The following ITSN1 variants were observed in gnomAD, a reference collection of about 807,000 sequenced individuals.
ITSN1 encodes the protein intersectin 1, also known as intersectin-1.
ITSN1 carries 58 observed loss-of-function variants against 239.8 expected under a neutral mutation model. That is an observed-to-expected ratio of 0.24 (90% CI 0.20 to 0.30). The LOEUF (loss-of-function observed/expected upper bound fraction) is 0.30. ITSN1 is among the 10% of genes least tolerant of loss of function. The pLI, the probability that ITSN1 is intolerant of heterozygous loss-of-function variation, is 1.00. For synonymous variants in ITSN1, 780 were observed against 770.8 expected (o/e 1.01, Z -0.20); for missense variants, 1,558 against 2,103.3 (o/e 0.74, Z 5.07).
chr21:33,876,620 G>C (rs1983963144), intron 34 of ITSN1, among the ~76,000 whole-genome samples: 1 of 152,148 alleles, frequency 6.6e-6, no homozygotes, highest in African/African-American at 2.4e-5. Context: ...GATATTCCTG[G>C]CCAGGTGCCG....
chr21:33,878,270 C>T (rs1226531433), intron 34 of ITSN1, among the ~76,000 whole-genome samples: 7 of 152,038 alleles, frequency 4.6e-5, no homozygotes, highest in East Asian at 1.9e-4. Flanking sequence ...TGAGCTCAAG[C>T]GATCTGCCCG....
chr21:33,652,319 A>G (rs2088614334), intron 1 of ITSN1, among the ~76,000 whole-genome samples: 1 of 152,118 alleles, frequency 6.6e-6, no homozygotes, highest in Non-Finnish European at 1.5e-5. Flanking sequence ...TCTGATTTTT[A>G]TGTGGGCCAC....
chr21:33,883,699 G>A, intron 36 of ITSN1, 28 bp downstream of exon 36: 1 of 1,608,868 alleles, frequency 6.2e-7, no homozygotes, highest in African/African-American at 1.3e-5. Flanking sequence ...CCCAGCATGG[G>A]CCCCAGGGCT....
intron 1 of ITSN1, 111 bp from the exon 2 acceptor site, chr21:33,718,686 G>A (rs2065310153): frequency 1.4e-6 from 1 of 730,346 alleles, no homozygotes; most frequent in Non-Finnish European, 2.4e-6. Flanking sequence ...GTAGAGCTAT[G>A]CTCTGGCTCT....
intron 5 of ITSN1, among the ~76,000 whole-genome samples, chr21:33,749,885 C>G (rs1017316289): frequency 6.6e-6 from 1 of 152,056 alleles, no homozygotes; most frequent in Non-Finnish European, 1.5e-5. Flanking sequence ...TATATTTGAG[C>G]CTTTAAGTCC....
At chr21:33,765,169 A>G (rs1481178349) in intron 9 of ITSN1, among the ~76,000 whole-genome samples, 1 of 152,218 alleles carries the variant, frequency 6.6e-6, no homozygotes, top group African/African-American at 2.4e-5. Context: ...AATATTTACT[A>G]CCTGACCCTT....
intron 1 of ITSN1, among the ~76,000 whole-genome samples, chr21:33,710,254 A>G (rs1712148230): frequency 6.6e-6 from 1 of 151,184 alleles, no homozygotes; most frequent in South Asian, 2.1e-4. Context: ...AATTTTTTGT[A>G]TTTTTAGGAG....
intron 14 of ITSN1, among the ~76,000 whole-genome samples, chr21:33,780,536 A>G (rs571822250): frequency 1.6e-4 from 25 of 152,290 alleles, no homozygotes; most frequent in African/African-American, 5.8e-4. Flanking sequence ...TCTTTCTACC[A>G]TTTAGACATG....
At position 33,802,457 on chromosome 21, in the gene ITSN1, T is replaced by C; in HGVS notation, c.2319+13T>C. 1.9e-6 allele frequency: 3 copies of C among 1,610,422 alleles called. No individual in the cohort carries two copies. Among genetic ancestry groups the C allele is most frequent in the Non-Finnish European group, 2.5e-6 (3 of 1,179,494 alleles). On this transcript the variant is annotated intron_variant, in intron 20 of 39. Coordinates refer to ENST00000381318, the MANE Select transcript of ITSN1 (RefSeq NM_003024.3). ...TAAAGGGGAATGGGTAAGTGTTGCC[T>C]AACTGTCAGGAAGTCTGCATCTTAT...
intron 1 of ITSN1, among the ~76,000 whole-genome samples, chr21:33,717,727 T>TGTG (rs1569011586): frequency 2.1e-5 from 3 of 140,404 alleles, no homozygotes; most frequent in African/African-American, 5.0e-5. Flanking sequence ...AGCTAATTTT[T>TGTG]TTTGTGTGTG....
In ITSN1 at chr21:33,750,129, T is replaced by C. The variant is rs978525360; in HGVS notation, c.347-14T>C. On this transcript the variant is annotated splice_polypyrimidine_tract_variant and intron_variant, in intron 5 of 39. Transcript: ENST00000381318. The stretch of plus-strand genomic sequence containing the variant: ...ATTGGATGTGAATGGTGTTGAGCTG[T>C]TTTTTCTTCATAGGTATGGGAGGTA... 3 of 1,612,928 alleles carry C rather than the reference T, an allele frequency of 1.9e-6. No individual in the cohort carries two copies. In the Admixed American group the frequency reaches 5.0e-5, roughly 27 times the overall value.
intron 4 of ITSN1, 72 bp from the exon 5 acceptor site, chr21:33,734,972 G>T: frequency 2.3e-6 from 3 of 1,313,228 alleles, no homozygotes; most frequent in Non-Finnish European, 3.1e-6. Context: ...TTTTCGTGTT[G>T]GTGGGAGTGG....
chr21:33,685,325 A>G (rs2091185950), intron 1 of ITSN1, among the ~76,000 whole-genome samples: 1 of 152,140 alleles, frequency 6.6e-6, no homozygotes, highest in African/African-American at 2.4e-5. Context: ...CGTATTTGCA[A>G]GTTCTTATCT....
chr21:33,844,812 C>T (rs575887139), intron 29 of ITSN1, among the ~76,000 whole-genome samples: 26 of 152,234 alleles, frequency 1.7e-4, no homozygotes, highest in African/African-American at 4.8e-4. Flanking sequence ...AGACCCCACA[C>T]GGCCGAATCC....
intron 34 of ITSN1, among the ~76,000 whole-genome samples, chr21:33,881,390 G>A (rs1290849785): frequency 7.3e-6 from 1 of 137,254 alleles, no homozygotes; most frequent in Admixed American, 7.4e-5. Context: ...CTGGGCGACA[G>A]AGTGAGACTC....
chr21:33,812,601 C>A (rs2072990508), intron 21 of ITSN1, among the ~76,000 whole-genome samples: 2 of 151,986 alleles, frequency 1.3e-5, no homozygotes, highest in Non-Finnish European at 2.9e-5. Flanking sequence ...TGGGCTCAAG[C>A]AATACTCCTG....
At chr21:33,662,535 G>C (rs532046832) in intron 1 of ITSN1, among the ~76,000 whole-genome samples, 3 of 152,188 alleles carry the variant, frequency 2.0e-5, no homozygotes, top group Non-Finnish European at 4.4e-5. Context: ...ATTATAGTTA[G>C]GTCTAGCCCA....
At chr21:33,672,075 T>G (rs2090320503) in intron 1 of ITSN1, among the ~76,000 whole-genome samples, 1 of 151,906 alleles carries the variant, frequency 6.6e-6, no homozygotes, top group East Asian at 1.9e-4. Flanking sequence ...AGAAACTCCG[T>G]CTCTACTAAA....
At chr21:33,784,668 G>T (rs2070504017) in intron 16 of ITSN1, among the ~76,000 whole-genome samples, 2 of 152,168 alleles carry the variant, frequency 1.3e-5, no homozygotes, top group Non-Finnish European at 2.9e-5. Context: ...TTAAATTGGA[G>T]AATCAAAAGA....
Sources: gnomAD v4.1 joint callset for allele counts (sites outside exome capture counted in the v4.1 genomes callset) on GRCh38, gnomAD v4.1.1 for gene constraint, MANE v1.5 for transcripts, NCBI Gene and HGNC (gene_info 2026-07-23, HGNC 2026-07-21) for gene names.